Variants in HSPA13 observed in about 807,000 individuals in gnomAD.
HSPA13 encodes heat shock protein family A (Hsp70) member 13.
Under a neutral mutation model 38.8 loss-of-function variants are expected in HSPA13, and 29 were observed. The ratio of observed to expected loss-of-function variants is 0.75; its 90% confidence interval spans 0.56 to 1.02. HSPA13 has a LOEUF of 1.02. HSPA13 is among the 50% of genes least tolerant of loss of function. The pLI is 0.00. For missense variants in HSPA13, 451 were observed against 560.9 expected (o/e 0.80, Z 1.98); for synonymous variants, 192 against 205.3 (o/e 0.94, Z 0.56).
chr21:14,378,156 C>A, intron 3 of HSPA13, 43 bp downstream of exon 3: 1 of 1,508,924 alleles, frequency 6.6e-7, no homozygotes, highest in East Asian at 2.3e-5. Flanking sequence ...TTCAACCCAA[C>A]ACAATTTTGA....
intron 3 of HSPA13, among the ~76,000 whole-genome samples, chr21:14,377,319 T>C (rs915312857): frequency 2.0e-5 from 3 of 152,242 alleles, no homozygotes; most frequent in South Asian, 4.1e-4. Flanking sequence ...CATTAAATGA[T>C]CTATCTCAGA....
chr21:14,377,839 C>T (rs546774845), intron 3 of HSPA13, among the ~76,000 whole-genome samples: 60 of 152,368 alleles, frequency 3.9e-4, no homozygotes, highest in African/African-American at 1.3e-3. Flanking sequence ...CTTGTACCTA[C>T]ACCAGTGGTT....
rs1407073887 is a variant in HSPA13, at chr21:14,374,152, A to C, written c.881T>G (p.Met294Arg). Residue 294 changes from methionine to arginine, a missense_variant, in exon 5 of 5, where the codon ATG becomes AGG. Physicochemically the swap from Met to Arg is moderately conservative, Grantham distance 91. Transcript: ENST00000285667. Reference sequence around the variant, plus strand: ...ATGAAGAGTCAGATTTAATTTGACCATTTCCACAGCTTGTCTCAATCTGTG... The same window carrying C: ...ATGAAGAGTCAGATTTAATTTGACCCTTTCCACAGCTTGTCTCAATCTGTG... ...EIHRLRQAVE[M>R]VKLNLTLHQS... The C allele has an allele frequency of 6.2e-7, 1 of 1,614,074 alleles. No individual in the cohort carries two copies. The highest frequency in any genetic ancestry group is 8.5e-7 in the Non-Finnish European group (1 of 1,180,040).
chr21:14,381,683 A>C, intron 1 of HSPA13, 140 bp from the exon 2 acceptor site: 1 of 584,062 alleles, frequency 1.7e-6, no homozygotes, highest in South Asian at 3.3e-5. Flanking sequence ...AGGACTGCTG[A>C]TAGCACTCCT....
Position 14,381,449 on chromosome 21 carries a change from G to A in HSPA13, c.120C>T (p.Thr40=). ...AAAACACCCCAACAGAACAATAGGTGGTGCCAAGATCAATACCAATCACTT... is the reference window on the plus strand; with the variant it reads ...AAAACACCCCAACAGAACAATAGGTAGTGCCAAGATCAATACCAATCACTT... ...TPKVIGIDLG[T]TYCSVGVFFP... Residue 40 remains threonine (T), a synonymous_variant, in exon 2 of 5, where the codon ACC becomes ACT. Transcript: ENST00000285667. 1.2e-6 allele frequency: 2 copies of A among 1,614,144 alleles called. No homozygotes were observed. The highest frequency in any genetic ancestry group is 1.7e-6 in the Non-Finnish European group (2 of 1,180,020).
At chr21:14,376,558 G>A (rs544752068) in intron 3 of HSPA13, among the ~76,000 whole-genome samples, 84 of 152,260 alleles carry the variant, frequency 5.5e-4, no homozygotes, top group Middle Eastern at 6.8e-3. Context: ...ACTTATGAGC[G>A]GTATGCAAAG....
In HSPA13 at chr21:14,381,365, G is replaced by A; in HGVS notation, c.204C>T (p.Pro68=). The change falls in exon 2 of 5, where the codon CCC becomes CCT. Residue 68 remains proline (P), a synonymous_variant. Coordinates refer to ENST00000285667, the MANE Select transcript of HSPA13 (RefSeq NM_006948.5). ...CATTGTCAGTAAAAGACACCATGCT[G>A]GGTATGCTGATATGCCCATTTTCAT... The part of the protein sequence containing the change: ...IPDENGHISI[P]SMVSFTDNDV... 1 of 1,614,086 alleles carries A rather than the reference G, an allele frequency of 6.2e-7. No homozygotes were observed. Among genetic ancestry groups the A allele is most frequent in the African/African-American group, 1.3e-5 (1 of 75,014 alleles).
Position 14,373,618 on chromosome 21 carries a change from C to T in HSPA13, c.1415G>A (p.Ter472=). Residue 472 remains the stop codon, a stop_retained_variant, in exon 5 of 5, where the codon TGA becomes TAA. Coordinates refer to ENST00000285667, the MANE Select transcript of HSPA13 (RefSeq NM_006948.5). ...NKHLQKTNFN[*] ...AAATAACCATTATTTCTGCAGAATT[C>T]AGTTGAAGTTGGTTTTTTGTAAATG... is the stretch of plus-strand genomic sequence containing the variant. The T allele has an allele frequency of 6.2e-7, 1 of 1,603,108 alleles. No individual in the cohort carries two copies.
intron 4 of HSPA13, 48 bp from the exon 5 acceptor site, chr21:14,374,332 T>G (rs749118894): frequency 1.5e-6 from 2 of 1,313,928 alleles, no homozygotes; most frequent in African/African-American, 2.9e-5. Context: ...TATGTGTGTA[T>G]GTATACACGT....
chr21:14,379,206 T>C (rs112944535), intron 2 of HSPA13, among the ~76,000 whole-genome samples: 4 of 152,278 alleles, frequency 2.6e-5, no homozygotes, highest in African/African-American at 9.6e-5. Context: ...ATTTACATTC[T>C]TGTTTCCCAT....
rs187422579 is a variant in HSPA13 at position 14,372,491 on chromosome 21, C to T, written c.*1126G>A. 5.9e-5 allele frequency: 9 copies of T among 152,196 alleles called. No homozygotes were observed. In the East Asian group the frequency reaches 1.4e-3, roughly 23 times the overall value. 9.4% of individuals were successfully genotyped at this position (152,196 alleles called of 1,614,324 possible). Reference sequence around the variant, plus strand: ...CAATGGCTTCCACATTAGATTTCCACGTTACTTCCAGTATTCACAAATTTT... The same window carrying T: ...CAATGGCTTCCACATTAGATTTCCATGTTACTTCCAGTATTCACAAATTTT... On this transcript the variant is annotated 3_prime_UTR_variant, in exon 5 of 5. Coordinates refer to ENST00000285667, the MANE Select transcript of HSPA13 (RefSeq NM_006948.5).
At chr21:14,382,319 T>A (rs867785763) in intron 1 of HSPA13, among the ~76,000 whole-genome samples, 19 of 147,090 alleles carry the variant, frequency 1.3e-4, no homozygotes, top group African/African-American at 3.5e-4. Context: ...AATACTAATT[T>A]AAAAAAAAAA....
At chr21:14,382,410 G>C (rs187035198) in intron 1 of HSPA13, among the ~76,000 whole-genome samples, 1 of 152,046 alleles carries the variant, frequency 6.6e-6, no homozygotes, top group Non-Finnish European at 1.5e-5. Context: ...AATGAATCTC[G>C]TATTTGGTAT....
chr21:14,382,695 C>T (rs1159896240), intron 1 of HSPA13, among the ~76,000 whole-genome samples: 1 of 152,080 alleles, frequency 6.6e-6, no homozygotes, highest in African/African-American at 2.4e-5. Context: ...ATTCAGCATC[C>T]CTGAGCCGAC....
rs1984086137 is a variant in HSPA13, at chr21:14,378,513, T to C, written c.367-101A>G. 7 of 744,404 alleles carry C rather than the reference T, an allele frequency of 9.4e-6. No individual in the cohort carries two copies. The South Asian group carries it at 1.3e-4, about 14-fold the overall frequency. 46.1% of individuals were successfully genotyped at this position (744,404 alleles called of 1,614,324 possible). On this transcript the variant is annotated intron_variant, in intron 2 of 4. Coordinates refer to ENST00000285667, the MANE Select transcript of HSPA13 (RefSeq NM_006948.5). ...TAGATTTCATGAGAACTTACCCTTA[T>C]CTTTACAAAATCAAAAAATGCATTT...
intron 4 of HSPA13, among the ~76,000 whole-genome samples, chr21:14,375,407 G>T (rs1412398266): frequency 6.8e-6 from 1 of 146,164 alleles, no homozygotes; most frequent in Non-Finnish European, 1.5e-5. Flanking sequence ...AGAATTCTGG[G>T]GGAAAAAAAG....
Sources: gnomAD v4.1 joint callset for allele counts (sites outside exome capture counted in the v4.1 genomes callset) on GRCh38, gnomAD v4.1.1 for gene constraint, MANE v1.5 for transcripts, NCBI Gene and HGNC (gene_info 2026-07-23, HGNC 2026-07-21) for gene names.